Variants in DLGAP2 observed in about 807,000 individuals in gnomAD.
DLGAP2 encodes the protein DLG associated protein 2.
In DLGAP2, 26 loss-of-function variants were observed where a neutral mutation model predicts 100.3. The observed-to-expected ratio is 0.26, with a 90% CI of 0.19 to 0.36. The LOEUF (loss-of-function observed/expected upper bound fraction) is 0.36, where lower values mean the gene tolerates loss of function less well. Among genes scored for constraint, DLGAP2 ranks in the 10% least tolerant of loss-of-function variants. The pLI is 1.00. For missense variants in DLGAP2, 1,858 were observed against 1,453.2 expected, an observed-to-expected ratio of 1.28 and a Z score of -4.53; for synonymous variants, 886 against 630.1, an observed-to-expected ratio of 1.41 and a Z score of -6.08.
rs200458045 is a variant in DLGAP2, at chr8:1,422,365, GA to G, written c.107-78999del. Among the ~76,000 whole-genome samples, 157 of 152,272 alleles carry G rather than the reference GA, an allele frequency of 1.0e-3. No homozygotes were observed. The East Asian group carries it at 0.016, about 16-fold the overall frequency. On this transcript the variant is annotated intron_variant, in intron 3 of 14. Coordinates refer to ENST00000637795, the MANE Select transcript of DLGAP2 (RefSeq NM_001346810.2). ...TGTGAAATTTCCGTCCACTGCAAGC[GA>G]AGTTACACAACTCAAGTCTTAATGA...
chr8:1,619,906 T>C (rs994697508), intron 6 of DLGAP2: 1 of 152,224 alleles, frequency 6.6e-6, no homozygotes, highest in African/African-American at 2.4e-5. Flanking sequence ...GTAAAGCACA[T>C]TTCACGGCCA....
intron 12 of DLGAP2, among the ~76,000 whole-genome samples, chr8:1,689,446 A>G (rs1350692655): frequency 6.6e-6 from 1 of 152,098 alleles, no homozygotes; most frequent in East Asian, 1.9e-4. Context: ...CTCTGCGTTC[A>G]AGGGGGCAAA....
chr8:917,146 T>A (rs1798611102), intron 2 of DLGAP2, among the ~76,000 whole-genome samples: 1 of 152,172 alleles, frequency 6.6e-6, no homozygotes, highest in Non-Finnish European at 1.5e-5. Flanking sequence ...AAAGCGACTG[T>A]TGAGTCACCC....
At chr8:767,303 C>A (rs1048936619) in intron 1 of DLGAP2, among the ~76,000 whole-genome samples, 1 of 151,304 alleles carries the variant, frequency 6.6e-6, no homozygotes, top group Admixed American at 6.6e-5. Context: ...TTCAAGGATG[C>A]CCAAAGGCAC....
At chr8:956,211 T>C (rs1305913488) in intron 2 of DLGAP2, among the ~76,000 whole-genome samples, 1 of 152,172 alleles carries the variant, frequency 6.6e-6, no homozygotes, top group Non-Finnish European at 1.5e-5. Context: ...TCCTGTGCAG[T>C]GGTGGATGTG....
intron 2 of DLGAP2, among the ~76,000 whole-genome samples, chr8:909,706 T>C (rs1249006246): frequency 6.6e-6 from 1 of 152,182 alleles, no homozygotes; most frequent in Non-Finnish European, 1.5e-5. Flanking sequence ...TAGGCTTTAA[T>C]ATTCGGTGTG....
chr8:1,328,707 C>T (rs1036611193), intron 3 of DLGAP2, among the ~76,000 whole-genome samples: 1 of 152,082 alleles, frequency 6.6e-6, no homozygotes, highest in Admixed American at 6.6e-5. Flanking sequence ...TTTAAAAACT[C>T]GTAGTAAAGA....
At chr8:1,191,476 T>C (rs1360781355) in intron 2 of DLGAP2, among the ~76,000 whole-genome samples, 3 of 152,164 alleles carry the variant, frequency 2.0e-5, no homozygotes, top group African/African-American at 7.2e-5. Flanking sequence ...AGCCGATACG[T>C]TTTATCTATA....
At chr8:1,463,368 A>G (rs1798514783) in intron 3 of DLGAP2, among the ~76,000 whole-genome samples, 1 of 152,258 alleles carries the variant, frequency 6.6e-6, no homozygotes, top group Non-Finnish European at 1.5e-5. Context: ...GTCATAAAAT[A>G]CATATGATGA....
chr8:1,410,980 G>A (rs981931005), intron 3 of DLGAP2, among the ~76,000 whole-genome samples: 7 of 152,188 alleles, frequency 4.6e-5, no homozygotes, highest in Admixed American at 3.3e-4. Flanking sequence ...AGTGTTGTAC[G>A]TTACTTTGAC....
rs916390430 is a variant in DLGAP2 at position 1,115,115 on chromosome 8, G to T, written c.74-143736G>T. The stretch of plus-strand genomic sequence containing the variant: ...GCCTGAGGATTATGTTCAATTATGT[G>T]GTCTGTTTTAGAGTGTGTGCCATGT... On this transcript the variant is annotated intron_variant, in intron 2 of 14. Transcript: ENST00000637795. 2.0e-5 allele frequency among the ~76,000 whole-genome samples: 3 copies of T among 152,180 alleles called. No homozygotes were observed. In the South Asian group the frequency reaches 6.2e-4, roughly 32 times the overall value.
rs1490780614 is a variant in DLGAP2 at position 1,437,396 on chromosome 8, G to A, written c.107-63970G>A. On this transcript the variant is annotated intron_variant, in intron 3 of 14. Coordinates refer to ENST00000637795, the MANE Select transcript of DLGAP2 (RefSeq NM_001346810.2). ...TGTGCCCCCTCATTAAGTGGCACAT[G>A]ACTGTACTTATTACTTGTAATGATG... Among the ~76,000 whole-genome samples, 3 of 152,226 alleles carry A rather than the reference G, an allele frequency of 2.0e-5. No homozygotes were observed. In the East Asian group the frequency reaches 5.8e-4, roughly 29 times the overall value.
intron 1 of DLGAP2, among the ~76,000 whole-genome samples, chr8:838,303 A>G (rs1796919823): frequency 6.6e-6 from 1 of 152,174 alleles, no homozygotes; most frequent in Admixed American, 6.5e-5. Flanking sequence ...TAGGAATCTC[A>G]TGGTTAAAAC....
intron 2 of DLGAP2, among the ~76,000 whole-genome samples, chr8:1,255,457 C>T (rs574512505): frequency 3.5e-5 from 5 of 141,064 alleles, no homozygotes; most frequent in East Asian, 2.2e-4. Flanking sequence ...GTATGTGTGT[C>T]CTCTCTTGCC....
intron 2 of DLGAP2, among the ~76,000 whole-genome samples, chr8:1,056,978 A>G (rs1802900412): frequency 6.6e-6 from 1 of 152,234 alleles, no homozygotes; most frequent in Admixed American, 6.5e-5. Flanking sequence ...GAAGAGACAG[A>G]GACAGACCGT....
intron 2 of DLGAP2, among the ~76,000 whole-genome samples, chr8:1,023,853 A>ATGTGTG (rs1325437123): frequency 3.1e-5 from 2 of 64,430 alleles, no homozygotes; most frequent in Non-Finnish European, 7.5e-5. Context: ...CTCAAACTTT[A>ATGTGTG]TATATGTGTG....
At chr8:1,350,346 G>A (rs1563099171) in intron 3 of DLGAP2, among the ~76,000 whole-genome samples, 1 of 91,946 alleles carries the variant, frequency 1.1e-5, no homozygotes, top group African/African-American at 4.0e-5. Context: ...TGCGGGTCCT[G>A]ACAGTGTGTG....
intron 3 of DLGAP2, among the ~76,000 whole-genome samples, chr8:1,481,341 C>A (rs1248160219): frequency 6.6e-6 from 1 of 152,050 alleles, no homozygotes; most frequent in African/African-American, 2.4e-5. Context: ...GTTCAGAGAC[C>A]AGCCTGGAGG....
chr8:1,169,768 T>C (rs1483464159), intron 2 of DLGAP2, among the ~76,000 whole-genome samples: 3 of 151,798 alleles, frequency 2.0e-5, no homozygotes, highest in Non-Finnish European at 4.4e-5. Context: ...CTTATCAGCT[T>C]AAGGAGATTT....
Sources: allele counts gnomAD v4.1 joint callset (sites outside exome capture counted in the v4.1 genomes callset), GRCh38; gene constraint gnomAD v4.1.1; transcripts MANE v1.5; gene names NCBI Gene and HGNC (gene_info 2026-07-23, HGNC 2026-07-21).